Variants in RHPN1 observed in about 807,000 individuals in gnomAD.
RHPN1 encodes rhophilin Rho GTPase binding protein 1.
In RHPN1, 77 loss-of-function variants were observed where a neutral mutation model predicts 74.7. That is an observed-to-expected ratio of 1.03 (90% CI 0.86 to 1.25). RHPN1 has a LOEUF of 1.25. Among genes scored for constraint, RHPN1 ranks in the 50% most tolerant of loss-of-function variants. The pLI is 0.00. For synonymous variants in RHPN1, 444 were observed against 414.5 expected, an observed-to-expected ratio of 1.07 and a Z score of -0.87; for missense variants, 987 against 932.2, an observed-to-expected ratio of 1.06 and a Z score of -0.77.
At position 143,378,349 on chromosome 8, in the gene RHPN1, G is replaced by A; in HGVS notation, c.459+3G>A. 6.5e-7 allele frequency: 1 copy of A among 1,544,424 alleles called. No individual in the cohort carries two copies. On this transcript the variant is annotated splice_donor_region_variant and intron_variant, in intron 5 of 14. Coordinates refer to ENST00000289013, the MANE Select transcript of RHPN1 (RefSeq NM_052924.3). ...GGGAGCTGGAGGCCCTGCGGCAGGT[G>A]TGTGGTTCCCCCGCCCACCCACCCT...
chr8:143,383,620 G>A lies in RHPN1; in HGVS notation c.*969G>A, dbSNP rs1317780232. ...AGGACTTGGGCACCAAGAGGAGAGG[G>A]TGGGAAGGGCTGCAGAGTCAGGGCT... On this transcript the variant is annotated 3_prime_UTR_variant, in exon 15 of 15. Coordinates refer to ENST00000289013, the MANE Select transcript of RHPN1 (RefSeq NM_052924.3). The A allele has an allele frequency of 6.6e-6, 1 of 152,660 alleles. No individual in the cohort carries two copies. The highest frequency in any genetic ancestry group is 1.9e-4 in the East Asian group (1 of 5,194). 9.5% of individuals were successfully genotyped at this position (152,660 alleles called of 1,614,324 possible).
At position 143,378,936 on chromosome 8, in the gene RHPN1, G is replaced by A. The variant is rs759074380; in HGVS notation, c.609G>A (p.Pro203=). ...GGTACGACTCGCTTACTGGGGTCCC[G>A]GCCCAGCAGCGTGCCCTGGCCTTCG... ...FHWYDSLTGV[P]AQQRALAFEK... is the part of the protein sequence containing the mutation. Residue 203 remains proline (P), a synonymous_variant, in exon 7 of 15, where the codon CCG becomes CCA. Transcript: ENST00000289013. The A allele has an allele frequency of 1.6e-5, 26 of 1,582,318 alleles. No individual in the cohort carries two copies. The Middle Eastern group carries it at 5.0e-4, about 30-fold the overall frequency.
chr8:143,380,224 G>A (rs753309040), intron 10 of RHPN1, 49 bp downstream of exon 10: 11 of 1,274,722 alleles, frequency 8.6e-6, no homozygotes, highest in African/African-American at 4.5e-5. Flanking sequence ...GGTCACCAAC[G>A]GTGGCAGGGT....
intron 7 of RHPN1, 84 bp downstream of exon 7, chr8:143,379,162 T>C (rs1586826428): frequency 1.4e-6 from 2 of 1,406,744 alleles, no homozygotes; most frequent in Admixed American, 5.5e-5. Context: ...AGCTGGGGAG[T>C]GGTTAGGACA....
At chr8:143,379,291 G>C (rs1294876864) in intron 7 of RHPN1, 24 bp from the exon 8 acceptor site, 1 of 1,556,450 alleles carries the variant, frequency 6.4e-7, no homozygotes, top group Non-Finnish European at 8.7e-7. Flanking sequence ...GGCCCTGCCT[G>C]TGTGAGCACC....
chr8:143,365,833 C>CA (rs968520138), upstream of RHPN1, among the ~76,000 whole-genome samples: 2 of 151,354 alleles, frequency 1.3e-5, no homozygotes, highest in South Asian at 2.1e-4. Flanking sequence ...CCCATCTCTA[C>CA]AAAAAATACA....
chr8:143,381,488 C>G, intron 12 of RHPN1, 84 bp from the exon 13 acceptor site: 1 of 1,515,554 alleles, frequency 6.6e-7, no homozygotes, highest in Non-Finnish European at 8.9e-7. Flanking sequence ...TCCCTCGGTG[C>G]ACAGGTTGGA....
At chr8:143,371,355 T>C (rs1228440238) in intron 1 of RHPN1, among the ~76,000 whole-genome samples, 1 of 151,892 alleles carries the variant, frequency 6.6e-6, no homozygotes, top group Non-Finnish European at 1.5e-5. Context: ...AGGAGAGGGG[T>C]ACCTGAGATG....
At chr8:143,378,444 G>C in intron 5 of RHPN1, 98 bp downstream of exon 5, 2 of 1,103,350 alleles carry the variant, frequency 1.8e-6, no homozygotes, top group Non-Finnish European at 2.6e-6. Flanking sequence ...GCTCAGCGTA[G>C]ACATCTCGAG....
upstream of RHPN1, among the ~76,000 whole-genome samples, chr8:143,365,319 G>A (rs1304909614): frequency 6.6e-6 from 1 of 152,204 alleles, no homozygotes; most frequent in East Asian, 1.9e-4. Context: ...CACTGGGCAA[G>A]GGGCAGCCAG....
chr8:143,381,257 C>T lies in RHPN1; in HGVS notation c.1412-11C>T, dbSNP rs747522656. ...GTCTCCCAGCTTAGCTCTGCTCTTA[C>T]ACCCTCTCAGCTAAGACCCACCAGA... On this transcript the variant is annotated splice_polypyrimidine_tract_variant and intron_variant, in intron 11 of 14. Coordinates refer to ENST00000289013, the MANE Select transcript of RHPN1 (RefSeq NM_052924.3). 6 of 1,610,576 alleles carry T rather than the reference C, an allele frequency of 3.7e-6. No individual in the cohort carries two copies. In the African/African-American group the frequency reaches 4.0e-5, roughly 11 times the overall value.
rs773074452 is a variant in RHPN1 at position 143,381,314 on chromosome 8, G to A, written c.1458G>A (p.Gln486=). 4 of 1,612,720 alleles carry A rather than the reference G, an allele frequency of 2.5e-6. No homozygotes were observed. In the African/African-American group the frequency reaches 4.0e-5, roughly 16 times the overall value. The change falls in exon 12 of 15, where the codon CAG becomes CAA. Residue 486 remains glutamine (Q), a synonymous_variant. Coordinates refer to ENST00000289013, the MANE Select transcript of RHPN1 (RefSeq NM_052924.3). ...KPEARMPRLS[Q]GKGPDIFHRL... is the part of the protein sequence containing the mutation. ...AGGCCAGGATGCCACGCCTGTCCCAGGGGAAGGGGCCTGACATCTTCCATC... is the reference window on the plus strand; with the variant it reads ...AGGCCAGGATGCCACGCCTGTCCCAAGGGAAGGGGCCTGACATCTTCCATC...
intron 1 of RHPN1, among the ~76,000 whole-genome samples, chr8:143,371,560 G>T (rs1817821792): frequency 6.6e-6 from 1 of 152,108 alleles, no homozygotes; most frequent in Non-Finnish European, 1.5e-5. Context: ...TCTGCCTTTT[G>T]CCCGTCCCCA....
At chr8:143,366,857 T>C (rs1334159753), upstream of RHPN1, 1 of 152,242 alleles carries the variant, frequency 6.6e-6, no homozygotes, top group East Asian at 1.9e-4. Context: ...TACACATAGC[T>C]GACTCTGAAG....
chr8:143,380,519 C>A, intron 10 of RHPN1, 70 bp from the exon 11 acceptor site: 1 of 1,364,900 alleles, frequency 7.3e-7, no homozygotes, highest in Non-Finnish European at 9.7e-7. Flanking sequence ...TGGCGTTGCC[C>A]ACTCCTTCTG....
intron 1 of RHPN1, among the ~76,000 whole-genome samples, chr8:143,370,197 G>A (rs901342385): frequency 1.3e-5 from 2 of 152,196 alleles, no homozygotes; most frequent in African/African-American, 2.4e-5. Flanking sequence ...TCAGGCTGGG[G>A]GCTGTGCCTG....
At position 143,380,607 on chromosome 8, in the gene RHPN1, G is replaced by C; in HGVS notation, c.1235G>C (p.Arg412Pro). ...RRQLGKAHLKRAILGQEEALR... is the reference protein window; with the variant it reads ...RRQLGKAHLKPAILGQEEALR... Reference sequence around the variant, plus strand: ...CGTGCAGGCAAGGCACACCTGAAGCGTGCCATCCTGGGGCAGGAGGAGGCG... The same window carrying C: ...CGTGCAGGCAAGGCACACCTGAAGCCTGCCATCCTGGGGCAGGAGGAGGCG... Residue 412 changes from arginine (R) to proline (P), a missense_variant, in exon 11 of 15, where the codon CGT becomes CCT. Physicochemically the swap from Arg to Pro is moderately radical, Grantham distance 103. Transcript: ENST00000289013. 6.5e-7 allele frequency: 1 copy of C among 1,535,582 alleles called. No individual in the cohort carries two copies. The highest frequency in any genetic ancestry group is 8.8e-7 in the Non-Finnish European group (1 of 1,139,326).
At chr8:143,374,580 G>T (rs1377998856) in intron 1 of RHPN1, among the ~76,000 whole-genome samples, 1 of 152,232 alleles carries the variant, frequency 6.6e-6, no homozygotes, top group African/African-American at 2.4e-5. Context: ...GCCAGCCCAC[G>T]CCTGGGAGCC....
rs1281995304 is a variant in RHPN1, at chr8:143,373,502, G to A, written c.61-2051G>A. On this transcript the variant is annotated intron_variant, in intron 1 of 14. Coordinates refer to ENST00000289013, the MANE Select transcript of RHPN1 (RefSeq NM_052924.3). Reference sequence around the variant, plus strand: ...GGGTTTGGGGATGGCGCGGGTTCCAGGGGACGGGGCGGGGGCTTGGGGGAT... The same window carrying A: ...GGGTTTGGGGATGGCGCGGGTTCCAAGGGACGGGGCGGGGGCTTGGGGGAT... Among the ~76,000 whole-genome samples, 9 of 27,038 alleles carry A rather than the reference G, an allele frequency of 3.3e-4. 1 individual carries two copies. In the African/African-American group the frequency reaches 3.8e-3, roughly 11 times the overall value. The allele number at this position is 27,038 out of a possible 152,430, so 17.7% of individuals were successfully genotyped here.
Sources: allele counts gnomAD v4.1 joint callset (sites outside exome capture counted in the v4.1 genomes callset), GRCh38; gene constraint gnomAD v4.1.1; transcripts MANE v1.5; gene names NCBI Gene and HGNC (gene_info 2026-07-23, HGNC 2026-07-21).